The following BMPR1B variants were observed in gnomAD, a reference collection of about 807,000 sequenced individuals.
BMPR1B encodes the protein bone morphogenetic protein receptor type-1B.
Under a neutral mutation model 59.1 loss-of-function variants are expected in BMPR1B, and 12 were observed. That is an observed-to-expected ratio of 0.20 (90% CI 0.13 to 0.33). The LOEUF (loss-of-function observed/expected upper bound fraction) is 0.33. Among genes scored for constraint, BMPR1B ranks in the 10% least tolerant of loss-of-function variants. BMPR1B has a pLI of 1.00. For missense variants in BMPR1B, 550 were observed against 610.9 expected (o/e 0.90, Z 1.05); for synonymous variants, 237 against 207.3 (o/e 1.14, Z -1.23).
At chr4:95,027,630 A>T (rs1724519877) in intron 3 of BMPR1B, among the ~76,000 whole-genome samples, 2 of 152,176 alleles carry the variant, frequency 1.3e-5, no homozygotes, top group Non-Finnish European at 2.9e-5. Context: ...CTTTCCACAT[A>T]GGCAGTCTTC....
chr4:95,142,706 G>A (rs757128020), intron 10 of BMPR1B, among the ~76,000 whole-genome samples: 5 of 151,890 alleles, frequency 3.3e-5, no homozygotes, highest in Admixed American at 3.3e-4. Context: ...CCCTGCGCTC[G>A]CCTCTCATTG....
chr4:95,041,249 A>G (rs1420597398), intron 3 of BMPR1B, among the ~76,000 whole-genome samples: 2 of 152,028 alleles, frequency 1.3e-5, no homozygotes, highest in African/African-American at 2.4e-5. Flanking sequence ...AGGTCTTCCT[A>G]TGTTGCCCAG....
chr4:95,105,396 G>T (rs1013090383), intron 4 of BMPR1B, among the ~76,000 whole-genome samples: 1 of 151,964 alleles, frequency 6.6e-6, no homozygotes, highest in Non-Finnish European at 1.5e-5. Context: ...TGGACTGCTA[G>T]GTTTAGAGCC....
intron 2 of BMPR1B, among the ~76,000 whole-genome samples, chr4:94,979,455 C>G (rs971605784): frequency 5.3e-5 from 8 of 152,242 alleles, no homozygotes; most frequent in African/African-American, 1.9e-4. Flanking sequence ...TCTGGCAAAG[C>G]CAAAATTATG....
chr4:95,129,047 A>G (rs1733109203), intron 8 of BMPR1B, among the ~76,000 whole-genome samples: 1 of 113,180 alleles, frequency 8.8e-6, no homozygotes, highest in South Asian at 2.7e-4. Flanking sequence ...ATTACAGTTT[A>G]TTTCTTATGT....
intron 10 of BMPR1B, among the ~76,000 whole-genome samples, chr4:95,137,760 T>C (rs1235772690): frequency 6.6e-6 from 1 of 152,218 alleles, no homozygotes; most frequent in Non-Finnish European, 1.5e-5. Context: ...ATTTGCTTGG[T>C]ACATCTTCCT....
chr4:95,047,288 T>C lies in BMPR1B; in HGVS notation c.-18+51154T>C, dbSNP rs1346719519. The stretch of plus-strand genomic sequence containing the variant: ...ATGCCATTTTTTTCTGTTCAAGGAT[T>C]CCATCTAGAAAACCACTTTGCACTT... On this transcript the variant is annotated intron_variant, in intron 3 of 12. Transcript: ENST00000515059. Among the ~76,000 whole-genome samples the C allele has an allele frequency of 2.6e-5, 4 of 152,206 alleles. No homozygotes were observed. The East Asian group carries it at 7.7e-4, about 29-fold the overall frequency.
At chr4:95,009,058 CTT>C (rs1723044937) in intron 3 of BMPR1B, among the ~76,000 whole-genome samples, 2 of 151,470 alleles carry the variant, frequency 1.3e-5, no homozygotes, top group African/African-American at 4.9e-5. Context: ...CTCTGTCTCT[CTT>C]AGAAAAAAAA....
At chr4:94,800,813 A>G (rs1723378209) in intron 1 of BMPR1B, among the ~76,000 whole-genome samples, 2 of 152,202 alleles carry the variant, frequency 1.3e-5, no homozygotes, top group African/African-American at 2.4e-5. Context: ...TGATTTAGCC[A>G]CTGTCCTCAA....
intron 3 of BMPR1B, among the ~76,000 whole-genome samples, chr4:95,033,731 C>T (rs1353329857): frequency 6.6e-6 from 1 of 152,054 alleles, no homozygotes; most frequent in East Asian, 1.9e-4. Context: ...GGAGCTTAGA[C>T]CAGCTTCCTG....
chr4:95,104,639 T>C (rs1362117983), intron 4 of BMPR1B, 72 bp downstream of exon 4: 1 of 1,574,280 alleles, frequency 6.4e-7, no homozygotes, highest in Non-Finnish European at 8.7e-7. Flanking sequence ...AACTGTAGGC[T>C]AGTGTTTCAA....
At chr4:94,955,408 A>G (rs1730104202) in intron 2 of BMPR1B, among the ~76,000 whole-genome samples, 1 of 152,208 alleles carries the variant, frequency 6.6e-6, no homozygotes, top group African/African-American at 2.4e-5. Context: ...AGGAGTTTAG[A>G]AGAGAGTCAT....
At chr4:94,780,147 G>A (rs1722535340) in intron 1 of BMPR1B, among the ~76,000 whole-genome samples, 1 of 152,064 alleles carries the variant, frequency 6.6e-6, no homozygotes, top group African/African-American at 2.4e-5. Context: ...TCATTAATGA[G>A]ATTAGCTTTT....
chr4:94,811,352 T>A (rs566090867), intron 1 of BMPR1B, among the ~76,000 whole-genome samples: 1 of 152,284 alleles, frequency 6.6e-6, no homozygotes, highest in East Asian at 1.9e-4. Flanking sequence ...ATTTGCACTT[T>A]GGAGGCTCTC....
At chr4:94,769,880 A>G (rs1327058697) in intron 1 of BMPR1B, among the ~76,000 whole-genome samples, 1 of 152,234 alleles carries the variant, frequency 6.6e-6, no homozygotes, top group African/African-American at 2.4e-5. Context: ...GTGCTCAGCC[A>G]TTAGTGAAAC....
At chr4:94,817,485 T>A (rs1724053637) in intron 1 of BMPR1B, among the ~76,000 whole-genome samples, 1 of 152,218 alleles carries the variant, frequency 6.6e-6, no homozygotes, top group African/African-American at 2.4e-5. Context: ...TCTAGGTACA[T>A]GGCCTTTGGC....
rs540927036 is a variant in BMPR1B, at chr4:95,059,557, AG to A, written c.-17-44850del. ...CTGATTTTATGCATATATACCAAACAGTTTATTCATAACATAGGAATATTAG... is the reference window on the plus strand; with the variant it reads ...CTGATTTTATGCATATATACCAAACATTTATTCATAACATAGGAATATTAG... On this transcript the variant is annotated intron_variant, in intron 3 of 12. Transcript: ENST00000515059. 2.5e-4 allele frequency among the ~76,000 whole-genome samples: 38 copies of A among 152,250 alleles called. No individual in the cohort carries two copies. The South Asian group carries it at 7.1e-3, about 28-fold the overall frequency.
intron 1 of BMPR1B, among the ~76,000 whole-genome samples, chr4:94,871,801 GA>G (rs1726509399): frequency 6.6e-6 from 1 of 152,174 alleles, no homozygotes; most frequent in Non-Finnish European, 1.5e-5. Context: ...AAGCTATTTT[GA>G]GTGTTGATGC....
intron 3 of BMPR1B, among the ~76,000 whole-genome samples, chr4:95,101,340 A>ACTT (rs1246736901): frequency 6.6e-6 from 1 of 152,122 alleles, no homozygotes; most frequent in East Asian, 1.9e-4. Context: ...TAGAAAAGTA[A>ACTT]AGAAGGCATC....
Sources: gnomAD v4.1 joint callset for allele counts (sites outside exome capture counted in the v4.1 genomes callset) on GRCh38, gnomAD v4.1.1 for gene constraint, MANE v1.5 for transcripts, NCBI Gene and HGNC (gene_info 2026-07-23, HGNC 2026-07-21) for gene names.